DPP6: variants seen among roughly 807,000 people sequenced by gnomAD.
DPP6 encodes the protein A-type potassium channel modulatory protein DPP6.
In DPP6, 69 loss-of-function variants were observed where a neutral mutation model predicts 122.6. That is an observed-to-expected ratio of 0.56 (90% CI 0.46 to 0.69). DPP6 has a LOEUF of 0.69. DPP6 is among the 30% of genes least tolerant of loss of function. The probability of loss-of-function intolerance (pLI) is 0.00; values close to 1 mark genes in which losing one functional copy is unlikely to be tolerated. For missense variants in DPP6, 928 were observed against 1,116.9 expected, an observed-to-expected ratio of 0.83 and a Z score of 2.41; for synonymous variants, 418 against 433.1, an observed-to-expected ratio of 0.97 and a Z score of 0.43.
At chr7:153,823,938 A>G in the DPP6 span, among the ~76,000 whole-genome samples, 1 of 152,128 alleles carries the variant, frequency 6.6e-6, no homozygotes, top group African/African-American at 2.4e-5. Flanking sequence ...ATTAATATTT[A>G]TAGGCCAGCT....
chr7:154,050,261 TAG>T (rs201691794), upstream of DPP6, among the ~76,000 whole-genome samples: 2,237 of 152,312 alleles, frequency 0.015, 65 homozygotes, highest in African/African-American at 0.051. Context: ...AAACTTTAGT[TAG>T]ATTACAGTTA....
intron 1 of DPP6, among the ~76,000 whole-genome samples, chr7:154,204,865 G>A (rs546777187): frequency 3.3e-5 from 5 of 152,052 alleles, no homozygotes; most frequent in African/African-American, 7.2e-5. Flanking sequence ...TGTGTACTCC[G>A]GAACTCATAA....
Position 154,885,800 on chromosome 7 carries a change from CT to C in DPP6, c.2245+57del. On this transcript the variant is annotated intron_variant, in intron 22 of 25. Coordinates refer to ENST00000377770, the MANE Select transcript of DPP6 (RefSeq NM_130797.4). ...CTCTGCTCCCGCCCCGCCCCGCCCCCTGCCTGCGTGGCCCCACAGCCCTCCC... is the reference window on the plus strand; with the variant it reads ...CTCTGCTCCCGCCCCGCCCCGCCCCCGCCTGCGTGGCCCCACAGCCCTCCC... 11 of 1,545,182 alleles carry C rather than the reference CT, an allele frequency of 7.1e-6. No homozygotes were observed. The South Asian group carries it at 1.3e-4, about 18-fold the overall frequency.
At chr7:154,887,198 C>T (rs1027885735) in intron 22 of DPP6, among the ~76,000 whole-genome samples, 4 of 152,228 alleles carry the variant, frequency 2.6e-5, no homozygotes, top group Middle Eastern at 3.2e-3. Flanking sequence ...CCTTTCGGCC[C>T]TCAGCCCTGG....
intron 1 of DPP6, among the ~76,000 whole-genome samples, chr7:154,337,020 G>A (rs950470063): frequency 6.6e-6 from 1 of 152,216 alleles, no homozygotes; most frequent in African/African-American, 2.4e-5. Flanking sequence ...GGCCCGAGCA[G>A]CTAGGGTAGA....
intron 1 of DPP6, among the ~76,000 whole-genome samples, chr7:154,420,366 G>T (rs1024273590): frequency 7.2e-5 from 11 of 152,186 alleles, no homozygotes; most frequent in African/African-American, 2.4e-4. Context: ...CAACATGGAT[G>T]AATCTGGAAA....
intron 1 of DPP6, among the ~76,000 whole-genome samples, chr7:154,280,709 C>T (rs1385481014): frequency 6.6e-6 from 1 of 152,098 alleles, no homozygotes; most frequent in Non-Finnish European, 1.5e-5. Context: ...GGAAAATCAC[C>T]GTGTTGACAT....
Position 154,309,555 on chromosome 7 carries a change from A to G in DPP6, c.244-136659A>G, listed in dbSNP as rs539688055. 1.5e-4 allele frequency among the ~76,000 whole-genome samples: 23 copies of G among 152,296 alleles called. No individual in the cohort carries two copies. In the South Asian group the frequency reaches 4.6e-3, roughly 30 times the overall value. ...TAATGGCCCAGTAAGAGAATTTCTG[A>G]TGTTCCTGTCCGCTGCTCTCTGATT... On this transcript the variant is annotated intron_variant, in intron 1 of 25. Transcript: ENST00000377770.
At chr7:154,200,386 A>G (rs1799108603) in intron 1 of DPP6, among the ~76,000 whole-genome samples, 1 of 152,158 alleles carries the variant, frequency 6.6e-6, no homozygotes, top group African/African-American at 2.4e-5. Context: ...TGCACAGTAG[A>G]TGAGTGTATG....
the DPP6 span, among the ~76,000 whole-genome samples, chr7:153,788,179 T>A: frequency 6.6e-6 from 1 of 152,304 alleles, no homozygotes; most frequent in South Asian, 2.1e-4. Context: ...TGTAGACTGG[T>A]TTGGGAAAAA....
At chr7:153,895,493 G>C (rs925845031) in intron 1 of DPP6, among the ~76,000 whole-genome samples, 1 of 152,216 alleles carries the variant, frequency 6.6e-6, no homozygotes, top group Non-Finnish European at 1.5e-5. Flanking sequence ...TTCCATGCCA[G>C]AACAAATATT....
At chr7:153,884,987 A>AATACATACATATATATAT (rs1209555021), upstream of DPP6, among the ~76,000 whole-genome samples, 76 of 116,456 alleles carry the variant, frequency 6.5e-4, 5 homozygotes, top group East Asian at 0.011. Context: ...TCAAAACAAA[A>AATACATACATATATATAT]ATATATATAT....
At chr7:153,833,132 A>T in the DPP6 span, among the ~76,000 whole-genome samples, 12 of 152,320 alleles carry the variant, frequency 7.9e-5, no homozygotes, top group East Asian at 2.3e-3. Flanking sequence ...CAATGCGAAA[A>T]TGTTGATTGA....
chr7:154,808,394 G>T (rs118132676), intron 16 of DPP6, among the ~76,000 whole-genome samples: 1,531 of 152,218 alleles, frequency 0.01, 20 homozygotes, highest in African/African-American at 0.031. Context: ...GATGAGGGGG[G>T]TGCGACTGAA....
chr7:153,976,596 T>C (rs2129035953), intron 1 of DPP6, among the ~76,000 whole-genome samples: 1 of 152,218 alleles, frequency 6.6e-6, no homozygotes, highest in South Asian at 2.1e-4. Context: ...TACTGAGAAA[T>C]AGTGTTATAG....
chr7:154,385,301 C>G (rs17174387), intron 1 of DPP6, among the ~76,000 whole-genome samples: 14,230 of 152,178 alleles, frequency 0.094, 774 homozygotes, highest in African/African-American at 0.14. Context: ...ATGAAGACCC[C>G]ACTTCACAGC....
intron 1 of DPP6, among the ~76,000 whole-genome samples, chr7:154,061,618 G>C (rs1367727619): frequency 1.6e-5 from 2 of 128,502 alleles, no homozygotes; most frequent in East Asian, 2.4e-4. Context: ...TCCCATCACA[G>C]GGGGGGGAGG....
At chr7:153,846,030 G>A in the DPP6 span, among the ~76,000 whole-genome samples, 1 of 152,126 alleles carries the variant, frequency 6.6e-6, no homozygotes, top group African/African-American at 2.4e-5. Flanking sequence ...TCATAAGTTA[G>A]TGTATGTTTA....
At chr7:154,291,233 G>C (rs1446341919) in intron 1 of DPP6, among the ~76,000 whole-genome samples, 1 of 152,138 alleles carries the variant, frequency 6.6e-6, no homozygotes, top group Non-Finnish European at 1.5e-5. Flanking sequence ...CATTACATTA[G>C]AAACCAACTT....
Sources: allele counts gnomAD v4.1 joint callset (sites outside exome capture counted in the v4.1 genomes callset), GRCh38; gene constraint gnomAD v4.1.1; transcripts MANE v1.5; gene names NCBI Gene and HGNC (gene_info 2026-07-23, HGNC 2026-07-21).